The following BTBD9 variants were observed in gnomAD, a reference collection of about 807,000 sequenced individuals.
BTBD9 encodes the protein BTB/POZ domain-containing protein 9.
Under a neutral mutation model 64.3 loss-of-function variants are expected in BTBD9, and 49 were observed. That is an observed-to-expected ratio of 0.76 (90% CI 0.61 to 0.97). The LOEUF is 0.97. Among genes scored for constraint, BTBD9 ranks in the 50% least tolerant of loss-of-function variants. The probability of loss-of-function intolerance (pLI) is 0.00; values close to 1 mark genes in which losing one functional copy is unlikely to be tolerated. For missense variants in BTBD9, 598 were observed against 762.1 expected (o/e 0.78, Z 2.53); for synonymous variants, 260 against 274.7 (o/e 0.95, Z 0.53).
intron 6 of BTBD9, among the ~76,000 whole-genome samples, chr6:38,576,668 C>A (rs1291453540): frequency 1.3e-5 from 2 of 152,150 alleles, no homozygotes; most frequent in Non-Finnish European, 2.9e-5. Flanking sequence ...GGGGCCAGCT[C>A]CACATTCTCC....
intron 6 of BTBD9, among the ~76,000 whole-genome samples, chr6:38,504,320 T>C (rs902809310): frequency 2.6e-5 from 4 of 152,226 alleles, no homozygotes; most frequent in African/African-American, 2.4e-5. Flanking sequence ...CTTTGAGCTT[T>C]CCAAGTAACC....
intron 6 of BTBD9, among the ~76,000 whole-genome samples, chr6:38,440,214 A>C (rs983523782): frequency 2.0e-5 from 3 of 152,166 alleles, no homozygotes; most frequent in South Asian, 2.1e-4. Context: ...ATGTATAGAA[A>C]AGAAAAGAGG....
chr6:38,518,096 T>C (rs879836125), intron 6 of BTBD9, among the ~76,000 whole-genome samples: 2 of 152,138 alleles, frequency 1.3e-5, no homozygotes, highest in Non-Finnish European at 2.9e-5. Flanking sequence ...GCCAATACAG[T>C]AGCAAATGTC....
chr6:38,571,494 G>A (rs1335889337), intron 6 of BTBD9, among the ~76,000 whole-genome samples: 2 of 152,066 alleles, frequency 1.3e-5, no homozygotes, highest in Admixed American at 1.3e-4. Flanking sequence ...ATTGACACCA[G>A]GAATGAGGGG....
intron 6 of BTBD9, among the ~76,000 whole-genome samples, chr6:38,412,010 A>G (rs1001733820): frequency 1.1e-4 from 16 of 152,168 alleles, no homozygotes; most frequent in Admixed American, 1.0e-3. Flanking sequence ...TATATATAAA[A>G]TAAAATAATT....
At chr6:38,588,473 CT>C in intron 4 of BTBD9, 1 of 852,340 alleles carries the variant, frequency 1.2e-6, no homozygotes. Context: ...GGGCCTAATC[CT>C]TATATGTCCT....
At chr6:38,214,977 G>GCA (rs1238305610) in intron 9 of BTBD9, among the ~76,000 whole-genome samples, 1 of 152,162 alleles carries the variant, frequency 6.6e-6, no homozygotes. Flanking sequence ...GTTATCCTTG[G>GCA]CACACGGAAA....
chr6:38,217,318 C>CAAAAAAAA (rs3047754), intron 9 of BTBD9, among the ~76,000 whole-genome samples: 3 of 69,264 alleles, frequency 4.3e-5, no homozygotes, highest in African/African-American at 6.2e-5. Context: ...GACTCCATCT[C>CAAAAAAAA]AAAAAAAAAA....
chr6:38,440,116 G>A lies in BTBD9; in HGVS notation c.1155-95023C>T, dbSNP rs571181455. 8.9e-4 allele frequency among the ~76,000 whole-genome samples: 135 copies of A among 152,300 alleles called. 2 individuals are homozygous for A. The South Asian group carries it at 0.015, about 17-fold the overall frequency. On this transcript the variant is annotated intron_variant, in intron 6 of 10. Transcript: ENST00000481247. Reference sequence around the variant, plus strand: ...GAAGCTTGGGTTCAAGGAAGTCCAAGCTGGATATATAGATTTGGGAGTGTT... The same window carrying A: ...GAAGCTTGGGTTCAAGGAAGTCCAAACTGGATATATAGATTTGGGAGTGTT...
rs1554150450 is a variant in BTBD9, at chr6:38,425,958, A to ACACACAC, written c.1155-80866_1155-80865insGTGTGTG. ...CACACACACACACACACACACACAC[A>ACACACAC]AACAAAAGCAAGCCCAGACCAGAAG... On this transcript the variant is annotated intron_variant, in intron 6 of 10. Coordinates refer to ENST00000481247, the MANE Select transcript of BTBD9 (RefSeq NM_001099272.2). Among the ~76,000 whole-genome samples, 710 of 150,342 alleles carry ACACACAC rather than the reference A, an allele frequency of 4.7e-3. 6 individuals are homozygous for ACACACAC. Among genetic ancestry groups the ACACACAC allele is most frequent in the South Asian group, 8.6e-3 (41 of 4,758 alleles).
intron 4 of BTBD9, among the ~76,000 whole-genome samples, chr6:38,586,904 T>C (rs143427434): frequency 0.029 from 4,318 of 150,614 alleles, 219 homozygotes; most frequent in African/African-American, 0.1. Flanking sequence ...CTCTACTAAA[T>C]ATACAAAAAT....
chr6:38,321,229 T>C (rs977679300), intron 7 of BTBD9, among the ~76,000 whole-genome samples: 7 of 152,102 alleles, frequency 4.6e-5, no homozygotes, highest in Non-Finnish European at 8.8e-5. Flanking sequence ...CAGACAGAAA[T>C]AGGCTTATAA....
intron 6 of BTBD9, among the ~76,000 whole-genome samples, chr6:38,367,457 G>A (rs902103638): frequency 1.1e-4 from 16 of 152,090 alleles, no homozygotes; most frequent in Non-Finnish European, 1.9e-4. Context: ...CAACTTTTAG[G>A]GGAAGAGAAG....
intron 6 of BTBD9, among the ~76,000 whole-genome samples, chr6:38,425,827 G>T (rs1244493465): frequency 6.7e-6 from 1 of 150,026 alleles, no homozygotes; most frequent in Non-Finnish European, 1.5e-5. Flanking sequence ...GAAGGTGGGA[G>T]GATTGCTTCA....
chr6:38,194,019 C>A (rs1360142324), intron 9 of BTBD9, among the ~76,000 whole-genome samples: 1 of 152,130 alleles, frequency 6.6e-6, no homozygotes, highest in African/African-American at 2.4e-5. Flanking sequence ...CTTATTCACA[C>A]ATGAAGGTGA....
chr6:38,315,721 C>T (rs533955103), intron 7 of BTBD9, among the ~76,000 whole-genome samples: 36 of 152,160 alleles, frequency 2.4e-4, no homozygotes, highest in Middle Eastern at 3.4e-3. Context: ...ACTTGTTTTG[C>T]GGCCTAAGAT....
chr6:38,500,604 G>A (rs977868410), intron 6 of BTBD9, among the ~76,000 whole-genome samples: 1 of 152,108 alleles, frequency 6.6e-6, no homozygotes, highest in African/African-American at 2.4e-5. Flanking sequence ...CATTAACTCT[G>A]AGCAACATCT....
At chr6:38,457,695 A>C (rs1183327879) in intron 6 of BTBD9, among the ~76,000 whole-genome samples, 1 of 152,156 alleles carries the variant, frequency 6.6e-6, no homozygotes, top group East Asian at 1.9e-4. Flanking sequence ...GCCTGGCCAG[A>C]GAGATTAAAT....
chr6:38,569,647 T>G (rs1044343139), intron 6 of BTBD9, among the ~76,000 whole-genome samples: 3 of 152,174 alleles, frequency 2.0e-5, no homozygotes, highest in African/African-American at 7.2e-5. Context: ...CTGTTCTGTT[T>G]TCTCACACAA....
Sources: allele counts gnomAD v4.1 joint callset (sites outside exome capture counted in the v4.1 genomes callset), GRCh38; gene constraint gnomAD v4.1.1; transcripts MANE v1.5; gene names NCBI Gene and HGNC (gene_info 2026-07-23, HGNC 2026-07-21).